The following KCTD16 variants were observed in gnomAD, a reference collection of about 807,000 sequenced individuals.
KCTD16 encodes potassium channel tetramerization domain containing 16.
KCTD16 carries 13 observed loss-of-function variants against 33.2 expected under a neutral mutation model. The ratio of observed to expected loss-of-function variants is 0.39; its 90% confidence interval spans 0.25 to 0.62. The LOEUF (loss-of-function observed/expected upper bound fraction) is 0.62. Among genes scored for constraint, KCTD16 ranks in the 20% least tolerant of loss-of-function variants. KCTD16 has a pLI of 0.50. For missense variants in KCTD16, 441 were observed against 525.1 expected (o/e 0.84, Z 1.57); for synonymous variants, 197 against 195.3 (o/e 1.01, Z -0.07).
chr5:144,417,617 A>C (rs951355108), intron 3 of KCTD16, among the ~76,000 whole-genome samples: 5 of 152,048 alleles, frequency 3.3e-5, no homozygotes, highest in Admixed American at 2.0e-4. Context: ...TTTTGATGAG[A>C]TACAATTTAT....
intron 3 of KCTD16, among the ~76,000 whole-genome samples, chr5:144,337,425 C>G (rs573546120): frequency 6.6e-6 from 1 of 152,056 alleles, no homozygotes; most frequent in Non-Finnish European, 1.5e-5. Context: ...GTTTGTTCTA[C>G]TAATCTGTTG....
At chr5:144,454,933 A>T (rs1398898987) in intron 3 of KCTD16, among the ~76,000 whole-genome samples, 1 of 152,180 alleles carries the variant, frequency 6.6e-6, no homozygotes, top group African/African-American at 2.4e-5. Context: ...ACATGTGCAG[A>T]CATTCTTCTG....
intron 3 of KCTD16, among the ~76,000 whole-genome samples, chr5:144,358,983 T>C (rs1751640690): frequency 6.6e-6 from 1 of 152,176 alleles, no homozygotes; most frequent in Admixed American, 6.5e-5. Context: ...GCTTATCAAA[T>C]ACTAATCTGC....
At chr5:144,277,650 GA>G (rs1755475314) in intron 3 of KCTD16, among the ~76,000 whole-genome samples, 1 of 152,116 alleles carries the variant, frequency 6.6e-6, no homozygotes, top group South Asian at 2.1e-4. Context: ...AATCCTATCA[GA>G]ATAAGAGATC....
intron 3 of KCTD16, among the ~76,000 whole-genome samples, chr5:144,315,043 T>C (rs530072734): frequency 6.6e-6 from 1 of 152,350 alleles, no homozygotes; most frequent in Non-Finnish European, 1.5e-5. Context: ...TGTCCTTTAT[T>C]GGACTAATTG....
rs144485011 is a variant in KCTD16, at chr5:144,454,488, T to G, written c.833-19172T>G. Among the ~76,000 whole-genome samples the G allele has an allele frequency of 2.3e-3, 352 of 151,238 alleles. 1 individual carries two copies. Among genetic ancestry groups the G allele is most frequent in the African/African-American group, 8.3e-3 (337 of 40,534 alleles). On this transcript the variant is annotated intron_variant, in intron 3 of 3. Coordinates refer to ENST00000512467, the MANE Select transcript of KCTD16 (RefSeq NM_020768.4). ...AGCCAAATTCTTAAGATTTCCAAAT[T>G]ATAAATTGGCCACATTTCTGGAATT...
Position 144,419,894 on chromosome 5 carries a change from C to T in KCTD16, c.833-53766C>T, listed in dbSNP as rs527834443. On this transcript the variant is annotated intron_variant, in intron 3 of 3. Coordinates refer to ENST00000512467, the MANE Select transcript of KCTD16 (RefSeq NM_020768.4). The stretch of plus-strand genomic sequence containing the variant: ...CAATTATGACCGCAGAACTAGCAAA[C>T]GTAGATCAAAGTAATCAGGATAACT... 1.2e-3 allele frequency among the ~76,000 whole-genome samples: 183 copies of T among 152,038 alleles called. 1 individual carries two copies. The highest frequency in any genetic ancestry group is 4.1e-3 in the African/African-American group (171 of 41,472).
intron 3 of KCTD16, among the ~76,000 whole-genome samples, chr5:144,402,835 A>C (rs530861087): frequency 3.9e-4 from 59 of 152,324 alleles, no homozygotes; most frequent in African/African-American, 1.3e-3. Flanking sequence ...TACTGTAACA[A>C]ATTGCCATAA....
chr5:144,230,257 T>G (rs2080366470), intron 3 of KCTD16, among the ~76,000 whole-genome samples: 1 of 152,250 alleles, frequency 6.6e-6, no homozygotes, highest in African/African-American at 2.4e-5. Context: ...AGCTGCATTT[T>G]CGTCTTTGCC....
At position 144,428,262 on chromosome 5, in the gene KCTD16, T is replaced by G. The variant is rs541181198; in HGVS notation, c.833-45398T>G. 5.3e-5 allele frequency among the ~76,000 whole-genome samples: 8 copies of G among 152,302 alleles called. No homozygotes were observed. In the South Asian group the frequency reaches 1.7e-3, roughly 32 times the overall value. ...ATAAGCCATTCTTTGCTGTTGCTTG[T>G]CTGTTAATCAGTGTCTTGAAAACAA... On this transcript the variant is annotated intron_variant, in intron 3 of 3. Transcript: ENST00000512467.
chr5:144,178,758 C>G (rs1337191654), intron 2 of KCTD16, among the ~76,000 whole-genome samples: 1 of 152,094 alleles, frequency 6.6e-6, no homozygotes, highest in Non-Finnish European at 1.5e-5. Context: ...CTTTTCTTGA[C>G]TCTAATTAAA....
intron 3 of KCTD16, among the ~76,000 whole-genome samples, chr5:144,401,729 T>C (rs1248707622): frequency 6.6e-6 from 1 of 152,240 alleles, no homozygotes; most frequent in Non-Finnish European, 1.5e-5. Flanking sequence ...TATTTAGAAA[T>C]AATTTCTAGG....
intron 3 of KCTD16, among the ~76,000 whole-genome samples, chr5:144,458,052 G>A (rs1437845834): frequency 6.6e-6 from 1 of 152,162 alleles, no homozygotes; most frequent in African/African-American, 2.4e-5. Flanking sequence ...TCACATGAGA[G>A]AAACAATAAA....
chr5:144,414,281 C>T (rs780374093), intron 3 of KCTD16, among the ~76,000 whole-genome samples: 1 of 152,154 alleles, frequency 6.6e-6, no homozygotes, highest in Non-Finnish European at 1.5e-5. Flanking sequence ...GGTCTAGCCT[C>T]TGATTAATAG....
chr5:144,362,640 T>A (rs990352864), intron 3 of KCTD16, among the ~76,000 whole-genome samples: 9 of 152,168 alleles, frequency 5.9e-5, no homozygotes, highest in African/African-American at 2.2e-4. Flanking sequence ...GTTATTTAAA[T>A]TGATTGAAGA....
chr5:144,436,951 G>A (rs900694236), intron 3 of KCTD16, among the ~76,000 whole-genome samples: 1 of 152,052 alleles, frequency 6.6e-6, no homozygotes, highest in Non-Finnish European at 1.5e-5. Flanking sequence ...ATAATAATAT[G>A]TACTACTGGT....
chr5:144,449,600 G>A (rs1014957393), intron 3 of KCTD16, among the ~76,000 whole-genome samples: 3 of 151,890 alleles, frequency 2.0e-5, no homozygotes, highest in African/African-American at 4.8e-5. Context: ...ATATGTTACA[G>A]AGCTATGGTA....
chr5:144,476,645 G>A lies in KCTD16; in HGVS notation c.*2531G>A, dbSNP rs1211060760. The A allele has an allele frequency of 6.6e-6, 1 of 152,156 alleles. No homozygotes were observed. Among genetic ancestry groups the A allele is most frequent in the African/African-American group, 2.4e-5 (1 of 41,444 alleles). The allele number at this position is 152,156 out of a possible 1,614,324, so 9.4% of individuals were successfully genotyped here. On this transcript the variant is annotated 3_prime_UTR_variant, in exon 4 of 4. Transcript: ENST00000512467. ...AGACAACAGCATGGCATTTATTTGT[G>A]TGAGTGTTTATATAGAAATGAACAT...
chr5:144,243,522 T>C (rs997406724), intron 3 of KCTD16, among the ~76,000 whole-genome samples: 4 of 152,210 alleles, frequency 2.6e-5, no homozygotes, highest in African/African-American at 9.6e-5. Flanking sequence ...TTATCCTTTT[T>C]TCTTTTCTCT....
Sources: gnomAD v4.1 joint callset for allele counts (sites outside exome capture counted in the v4.1 genomes callset) on GRCh38, gnomAD v4.1.1 for gene constraint, MANE v1.5 for transcripts, NCBI Gene and HGNC (gene_info 2026-07-23, HGNC 2026-07-21) for gene names.